Variants in PIBF1 observed in about 807,000 individuals in gnomAD.
The protein encoded by PIBF1 is progesterone immunomodulatory binding factor 1.
In PIBF1, 90 loss-of-function variants were observed where a neutral mutation model predicts 112.5. The observed-to-expected ratio is 0.80, with a 90% CI of 0.67 to 0.95. PIBF1 has a LOEUF of 0.95. PIBF1 is among the 40% of genes least tolerant of loss of function. PIBF1 has a pLI of 0.00. For missense variants in PIBF1, 915 were observed against 852.3 expected, an observed-to-expected ratio of 1.07 and a Z score of -0.92; for synonymous variants, 301 against 288.6, an observed-to-expected ratio of 1.04 and a Z score of -0.44.
chr13:72,881,525 G>A (rs1159473457), intron 10 of PIBF1, among the ~76,000 whole-genome samples: 1 of 152,072 alleles, frequency 6.6e-6, no homozygotes, highest in Non-Finnish European at 1.5e-5. Flanking sequence ...AGACCAGCCT[G>A]GCCAACATGG....
intron 10 of PIBF1, among the ~76,000 whole-genome samples, chr13:72,885,681 A>T (rs538017690): frequency 6.6e-6 from 1 of 152,200 alleles, no homozygotes; most frequent in South Asian, 2.1e-4. Flanking sequence ...TATCATCCAG[A>T]ACTCAACATG....
chr13:72,895,845 A>G (rs766923968), intron 11 of PIBF1, among the ~76,000 whole-genome samples: 10 of 152,076 alleles, frequency 6.6e-5, no homozygotes, highest in Non-Finnish European at 1.5e-4. Context: ...AGACACCCCA[A>G]ATACTCTGGG....
At chr13:72,895,013 A>G (rs2040221675) in intron 11 of PIBF1, among the ~76,000 whole-genome samples, 1 of 147,510 alleles carries the variant, frequency 6.8e-6, no homozygotes, top group South Asian at 2.1e-4. Context: ...AGTCCCAGCT[A>G]CTTGGGGGTT....
chr13:72,919,296 ATG>A (rs1348010272), intron 13 of PIBF1, among the ~76,000 whole-genome samples: 1 of 152,234 alleles, frequency 6.6e-6, no homozygotes, highest in Non-Finnish European at 1.5e-5. Flanking sequence ...GTTAGAACTT[ATG>A]GCTCTTACCA....
At chr13:72,880,409 A>G (rs565869746) in intron 10 of PIBF1, among the ~76,000 whole-genome samples, 3 of 152,340 alleles carry the variant, frequency 2.0e-5, no homozygotes, top group African/African-American at 4.8e-5. Context: ...TCTTATGACA[A>G]GCTTTAAAAC....
intron 17 of PIBF1, among the ~76,000 whole-genome samples, chr13:73,006,186 T>C (rs2044029355): frequency 6.6e-6 from 1 of 152,206 alleles, no homozygotes; most frequent in Non-Finnish European, 1.5e-5. Flanking sequence ...CCCAAAGTGC[T>C]GGGATTACAG....
At position 72,931,175 on chromosome 13, in the gene PIBF1, G is replaced by T. The variant is rs2041684930; in HGVS notation, c.1741G>T (p.Ala581Ser). 1 of 1,608,022 alleles carries T rather than the reference G, an allele frequency of 6.2e-7. No homozygotes were observed. The highest frequency in any genetic ancestry group is 1.7e-5 in the Admixed American group (1 of 59,558). Residue 581 changes from alanine to serine, a missense_variant, in exon 14 of 18, where the codon GCA becomes TCA. Transcript: ENST00000326291. ...KRRLKQSVHL[A>S]RRVLQLEKQN... is the part of the protein sequence containing the mutation. ...ATTTCATTTGCCTAGTGTTCACTTGGCAAGAAGAGTGCTTCAATTAGAAAA... is the reference window on the plus strand; with the variant it reads ...ATTTCATTTGCCTAGTGTTCACTTGTCAAGAAGAGTGCTTCAATTAGAAAA...
chr13:72,966,537 C>T (rs2042743716), intron 15 of PIBF1, among the ~76,000 whole-genome samples: 1 of 152,110 alleles, frequency 6.6e-6, no homozygotes, highest in South Asian at 2.1e-4. Context: ...TCACTGGGCA[C>T]CTGATTATCT....
chr13:72,836,556 A>G (rs1416531392), intron 9 of PIBF1, among the ~76,000 whole-genome samples: 1 of 152,182 alleles, frequency 6.6e-6, no homozygotes, highest in Non-Finnish European at 1.5e-5. Context: ...ATGTAGAATT[A>G]TCCTTTGGTA....
intron 16 of PIBF1, among the ~76,000 whole-genome samples, chr13:72,987,704 G>C (rs1327003164): frequency 6.8e-6 from 1 of 147,946 alleles, no homozygotes; most frequent in Non-Finnish European, 1.5e-5. Context: ...TTGAGAAGGG[G>C]TCTTGCTATG....
intron 9 of PIBF1, among the ~76,000 whole-genome samples, chr13:72,847,837 T>C (rs2037942217): frequency 6.6e-6 from 1 of 152,252 alleles, no homozygotes; most frequent in Admixed American, 6.5e-5. Flanking sequence ...GCAACCCTTC[T>C]ATTTTATGCC....
At chr13:72,848,391 C>T (rs995627486) in intron 9 of PIBF1, among the ~76,000 whole-genome samples, 5 of 151,956 alleles carry the variant, frequency 3.3e-5, no homozygotes, top group East Asian at 1.9e-4. Context: ...TCTATTGTTA[C>T]GAATGTTTTA....
intron 11 of PIBF1, among the ~76,000 whole-genome samples, chr13:72,895,071 C>G (rs1357922841): frequency 6.6e-6 from 1 of 151,730 alleles, no homozygotes; most frequent in East Asian, 1.9e-4. Flanking sequence ...CCACAGTGAG[C>G]TGAGATCACA....
chr13:72,812,661 G>A (rs1424269825), intron 5 of PIBF1, among the ~76,000 whole-genome samples: 2 of 152,102 alleles, frequency 1.3e-5, no homozygotes, highest in East Asian at 1.9e-4. Flanking sequence ...GTGCAGGCCT[G>A]TAGTCCCAGC....
At chr13:72,828,667 C>T (rs915899834) in intron 8 of PIBF1, among the ~76,000 whole-genome samples, 8 of 152,288 alleles carry the variant, frequency 5.3e-5, no homozygotes, top group Non-Finnish European at 8.8e-5. Flanking sequence ...CACATTTTCT[C>T]TATCCAGTCT....
At chr13:72,851,820 G>A (rs147833462) in intron 9 of PIBF1, among the ~76,000 whole-genome samples, 32 of 152,316 alleles carry the variant, frequency 2.1e-4, no homozygotes, top group Middle Eastern at 3.4e-3. Context: ...ACCTCTGGAC[G>A]ATCTGCCTGC....
intron 5 of PIBF1, among the ~76,000 whole-genome samples, chr13:72,817,073 A>G (rs1024621799): frequency 6.6e-6 from 1 of 152,228 alleles, no homozygotes; most frequent in Non-Finnish European, 1.5e-5. Context: ...TAGCTAACCA[A>G]CTATTTCTTA....
At chr13:72,893,753 TAG>T (rs2040148653) in intron 10 of PIBF1, 29 bp from the exon 11 acceptor site, 1 of 1,402,632 alleles carries the variant, frequency 7.1e-7, no homozygotes, top group Non-Finnish European at 9.5e-7. Context: ...CTGCTTTCTT[TAG>T]AGTGTCATAA....
chr13:72,850,779 C>T (rs1002568386), intron 9 of PIBF1, among the ~76,000 whole-genome samples: 2 of 99,940 alleles, frequency 2.0e-5, no homozygotes, highest in Non-Finnish European at 4.2e-5. Flanking sequence ...TTATCTATAA[C>T]ATTAATTTTT....
Sources: allele counts gnomAD v4.1 joint callset (sites outside exome capture counted in the v4.1 genomes callset), GRCh38; gene constraint gnomAD v4.1.1; transcripts MANE v1.5; gene names NCBI Gene and HGNC (gene_info 2026-07-23, HGNC 2026-07-21).